PPEF1: variants seen among roughly 807,000 people sequenced by gnomAD.
PPEF1 encodes serine/threonine-protein phosphatase with EF-hands 1.
In PPEF1, 12 loss-of-function variants were observed where a neutral mutation model predicts 53.3. That is an observed-to-expected ratio of 0.23 (90% confidence interval 0.14 to 0.36). The LOEUF (loss-of-function observed/expected upper bound fraction) is 0.36, where lower values mean the gene tolerates loss of function less well. Ranked by LOEUF, PPEF1 falls within the 10% of genes least tolerant of loss-of-function variation. The pLI, the probability that PPEF1 is intolerant of heterozygous loss-of-function variation, is 1.00. For missense variants in PPEF1, 334 were observed against 490.4 expected (o/e 0.68, Z 3.01); for synonymous variants, 165 against 176.7 (o/e 0.93, Z 0.52).
chrX:18,808,352 C>T (rs936487831), intron 12 of PPEF1, among the ~76,000 whole-genome samples: 4 of 110,749 alleles, frequency 3.6e-5, no homozygotes, highest in Admixed American at 2.0e-4. Context: ...ATGAACATCA[C>T]CGCAAGTTAG....
At chrX:18,748,298 C>A (rs2045370369) in intron 3 of PPEF1, among the ~76,000 whole-genome samples, 1 of 112,305 alleles carries the variant, frequency 8.9e-6, no homozygotes, top group Admixed American at 9.5e-5. Context: ...AATAGTATGA[C>A]TTTAGAAAAC....
chrX:18,736,207 A>C (rs913230896), intron 3 of PPEF1, among the ~76,000 whole-genome samples: 1 of 111,635 alleles, frequency 9.0e-6, no homozygotes, highest in East Asian at 2.8e-4. Flanking sequence ...GTCTTGTGCC[A>C]GTTTTCAAAG....
At chrX:18,752,597 CTT>C (rs759102856) in intron 4 of PPEF1, among the ~76,000 whole-genome samples, 326 of 111,214 alleles carry the variant, frequency 2.9e-3, no homozygotes, top group African/African-American at 9.9e-3. Context: ...AGCTTTCAAT[CTT>C]TCACTACTGA....
chrX:18,815,934 CTT>C (rs2046901856), intron 12 of PPEF1, among the ~76,000 whole-genome samples: 1 of 98,394 alleles, frequency 1.0e-5, no homozygotes, highest in South Asian at 4.9e-4. Context: ...GAGTTTTGCT[CTT>C]GTTGCCCAGG....
chrX:18,677,291 G>A (rs1448609712), intron 1 of PPEF1, among the ~76,000 whole-genome samples: 2 of 112,004 alleles, frequency 1.8e-5, no homozygotes, highest in Middle Eastern at 4.6e-3. Context: ...CGCCCACCTC[G>A]GCCTCCTGAA....
intron 7 of PPEF1, among the ~76,000 whole-genome samples, chrX:18,780,885 T>C (rs1238526017): frequency 9.2e-6 from 1 of 109,169 alleles, no homozygotes; most frequent in Non-Finnish European, 1.9e-5. Context: ...AAACCCCGTC[T>C]CTACTAAAAA....
At chrX:18,739,059 C>T (rs1034922191) in intron 3 of PPEF1, among the ~76,000 whole-genome samples, 14 of 112,044 alleles carry the variant, frequency 1.2e-4, no homozygotes, top group Non-Finnish European at 9.4e-5. Flanking sequence ...AACTTCTTTG[C>T]GATGGGTTCG....
intron 4 of PPEF1, among the ~76,000 whole-genome samples, chrX:18,695,447 A>G (rs190926658): frequency 1.7e-4 from 19 of 112,668 alleles, no homozygotes; most frequent in Admixed American, 1.6e-3. Context: ...AGGGATGAAC[A>G]CAGTGGTGTG....
chrX:18,809,221 T>C (rs978425937), intron 12 of PPEF1, among the ~76,000 whole-genome samples: 3 of 109,811 alleles, frequency 2.7e-5, no homozygotes, highest in African/African-American at 9.9e-5. Flanking sequence ...AAGTCACTTA[T>C]ATAAAATAGC....
chrX:18,706,204 T>G (rs1186919262), upstream of PPEF1, among the ~76,000 whole-genome samples: 5 of 75,779 alleles, frequency 6.6e-5, no homozygotes, highest in South Asian at 6.8e-4. Context: ...GGTGACAGAG[T>G]GAGACCCTGT....
rs1343210949 is a variant in PPEF1, at chrX:18,757,755, C to T, written c.511+14C>T. 4.0e-5 allele frequency: 45 copies of T among 1,132,325 alleles called. No homozygotes were observed. The highest frequency in any genetic ancestry group is 5.2e-5 in the Non-Finnish European group (43 of 825,983). The allele number at this position is 1,132,325 out of a possible 1,213,427, so 93.3% of individuals were successfully genotyped here. A position where few individuals can be genotyped will look rare whatever the true frequency, so the allele number is the denominator to read the frequency against. On this transcript the variant is annotated intron_variant, in intron 5 of 15. Transcript: ENST00000470157. ...TAACAATCTGTGGTAAGTTTCAGAG[C>T]AGAGTTGTCCAATTAATATTTAGGA...
intron 12 of PPEF1, 89 bp downstream of exon 12, chrX:18,806,634 A>G: frequency 1.1e-6 from 1 of 908,273 alleles, no homozygotes; most frequent in Non-Finnish European, 1.5e-6. Context: ...CACGTGAGTG[A>G]AGAGAGTCAT....
chrX:18,724,400 C>T (rs910997644), intron 1 of PPEF1, among the ~76,000 whole-genome samples: 5 of 111,607 alleles, frequency 4.5e-5, no homozygotes, highest in Non-Finnish European at 9.4e-5. Context: ...TCACTAACCC[C>T]GTACATGACT....
chrX:18,813,802 A>C (rs1257324249), intron 12 of PPEF1, among the ~76,000 whole-genome samples: 1 of 111,939 alleles, frequency 8.9e-6, no homozygotes, highest in East Asian at 2.8e-4. Context: ...TTTTTTCTGC[A>C]TGCATTGAGA....
chrX:18,752,988 T>C (rs2045475311), intron 4 of PPEF1, among the ~76,000 whole-genome samples: 1 of 111,916 alleles, frequency 8.9e-6, no homozygotes, highest in African/African-American at 3.2e-5. Context: ...TTGCCTGGCT[T>C]TGGTATCAGG....
chrX:18,730,137 T>C (rs1459571584), intron 1 of PPEF1, 44 bp from the exon 2 acceptor site: 2 of 1,175,569 alleles, frequency 1.7e-6, no homozygotes, highest in African/African-American at 3.6e-5. Context: ...AACAGGTGCA[T>C]AGTAACTGTT....
chrX:18,703,921 CT>C (rs144154361), upstream of PPEF1, among the ~76,000 whole-genome samples: 931 of 88,348 alleles, frequency 0.011, 8 homozygotes, highest in African/African-American at 0.025. Flanking sequence ...AAAAACATAC[CT>C]TTTTTTTTTT....
rs2044806138 is a variant in PPEF1, at chrX:18,730,262, C to T, written c.128C>T (p.Thr43Ile). 1.7e-6 allele frequency: 2 copies of T among 1,208,391 alleles called. No homozygotes were observed. Among genetic ancestry groups the T allele is most frequent in the African/African-American group, 1.7e-5 (1 of 57,161 alleles). ...RLKARQHYAL[T>I]IFQSIEYADE... ...AAGGCCAGACAACACTATGCCCTCA[C>T]CATCTTCCAGTCCATCGAATATGCT... is the stretch of plus-strand genomic sequence containing the variant. Residue 43 changes from threonine (T) to isoleucine (I), a missense_variant, in exon 2 of 16, where the codon ACC becomes ATC. Thr to Ile is a moderately conservative substitution (Grantham distance 89). Coordinates refer to ENST00000470157, the MANE Select transcript of PPEF1 (RefSeq NM_001377996.1).
intron 1 of PPEF1, among the ~76,000 whole-genome samples, chrX:18,708,315 A>G (rs763279048): frequency 1.3e-4 from 14 of 111,882 alleles, no homozygotes; most frequent in African/African-American, 4.5e-4. Flanking sequence ...AGAATGCTAG[A>G]TCATCTGTTT....
Sources: gnomAD v4.1 joint callset for allele counts (sites outside exome capture counted in the v4.1 genomes callset) on GRCh38, gnomAD v4.1.1 for gene constraint, MANE v1.5 for transcripts, NCBI Gene and HGNC (gene_info 2026-07-23, HGNC 2026-07-21) for gene names.